The following CPNE4 variants were observed in gnomAD, a reference collection of about 807,000 sequenced individuals.
The protein encoded by CPNE4 is copine-4.
In CPNE4, 25 loss-of-function variants were observed where a neutral mutation model predicts 67.9. The ratio of observed to expected loss-of-function variants is 0.37; its 90% CI spans 0.27 to 0.51. The LOEUF is 0.51. CPNE4 is among the 20% of genes least tolerant of loss of function. The pLI, the probability that CPNE4 is intolerant of heterozygous loss-of-function variation, is 0.93. For missense variants in CPNE4, 464 were observed against 690.8 expected, an observed-to-expected ratio of 0.67 and a Z score of 3.68; for synonymous variants, 242 against 244.9, an observed-to-expected ratio of 0.99 and a Z score of 0.11.
At chr3:131,974,172 G>C (rs2072581572) in intron 1 of CPNE4, among the ~76,000 whole-genome samples, 1 of 152,286 alleles carries the variant, frequency 6.6e-6, no homozygotes. Flanking sequence ...AGAACTTTCT[G>C]TTCTCAGGTC....
chr3:131,812,219 AG>A (rs1293948311), intron 2 of CPNE4, among the ~76,000 whole-genome samples: 129 of 101,240 alleles, frequency 1.3e-3, no homozygotes, highest in African/African-American at 4.3e-3. Context: ...TAAAATTGGA[AG>A]AAAAAAAAAA....
At chr3:132,015,987 C>T (rs530516321) in intron 1 of CPNE4, among the ~76,000 whole-genome samples, 3 of 152,310 alleles carry the variant, frequency 2.0e-5, no homozygotes, top group Non-Finnish European at 2.9e-5. Context: ...TATAACCATA[C>T]ATTTGCTATG....
intron 1 of CPNE4, among the ~76,000 whole-genome samples, chr3:131,919,364 A>G (rs2070678313): frequency 6.6e-6 from 1 of 152,228 alleles, no homozygotes; most frequent in African/African-American, 2.4e-5. Context: ...ATGGAATGCC[A>G]TATAGCAATG....
At chr3:131,735,289 G>T (rs2107767972) in intron 2 of CPNE4, among the ~76,000 whole-genome samples, 1 of 152,328 alleles carries the variant, frequency 6.6e-6, no homozygotes, top group Non-Finnish European at 1.5e-5. Context: ...TCCAGACTGA[G>T]ATGGTGGGCT....
chr3:131,841,769 G>A (rs930494388), intron 2 of CPNE4, among the ~76,000 whole-genome samples: 7 of 152,342 alleles, frequency 4.6e-5, no homozygotes, highest in African/African-American at 4.8e-5. Context: ...TTGCAGCTGG[G>A]AGTGCAGTTA....
chr3:131,606,002 G>C (rs1939480619), intron 7 of CPNE4, among the ~76,000 whole-genome samples: 1 of 152,134 alleles, frequency 6.6e-6, no homozygotes, highest in South Asian at 2.1e-4. Context: ...CAAAATGCCT[G>C]TGTCTCTGTT....
chr3:131,645,739 CAGGTCCCTTA>C (rs2079647973), intron 7 of CPNE4, among the ~76,000 whole-genome samples: 1 of 152,150 alleles, frequency 6.6e-6, no homozygotes, highest in African/African-American at 2.4e-5. Flanking sequence ...TCTAAAATAA[CAGGTCCCTTA>C]AAGGGATCCA....
At chr3:131,827,730 T>A (rs572932001) in intron 2 of CPNE4, among the ~76,000 whole-genome samples, 2 of 152,180 alleles carry the variant, frequency 1.3e-5, no homozygotes, top group East Asian at 3.9e-4. Flanking sequence ...GTATGCTTTT[T>A]AAGTTGAATT....
chr3:131,954,274 A>G (rs1410622772), intron 1 of CPNE4, among the ~76,000 whole-genome samples: 1 of 152,216 alleles, frequency 6.6e-6, no homozygotes, highest in Non-Finnish European at 1.5e-5. Flanking sequence ...AATACATGAA[A>G]TCTTTTTATA....
intron 12 of CPNE4, 144 bp from the exon 13 acceptor site, chr3:131,552,635 T>C (rs1936245592): frequency 1.6e-6 from 1 of 612,288 alleles, no homozygotes; most frequent in African/African-American, 1.9e-5. Flanking sequence ...TTTCAAGCCT[T>C]TACACAATCA....
chr3:131,919,413 A>C (rs1435673629), intron 1 of CPNE4, among the ~76,000 whole-genome samples: 1 of 152,218 alleles, frequency 6.6e-6, no homozygotes, highest in African/African-American at 2.4e-5. Flanking sequence ...CAATATGGAT[A>C]AATCTAGACA....
intron 2 of CPNE4, among the ~76,000 whole-genome samples, chr3:131,810,847 T>G (rs961085481): frequency 6.6e-6 from 1 of 152,066 alleles, no homozygotes; most frequent in Non-Finnish European, 1.5e-5. Context: ...AGAAGATTAT[T>G]CGGCCTTAAA....
chr3:131,702,669 T>G (rs1346619303), intron 3 of CPNE4, among the ~76,000 whole-genome samples: 1 of 152,186 alleles, frequency 6.6e-6, no homozygotes, highest in Admixed American at 6.5e-5. Flanking sequence ...GGGTAGACCA[T>G]TTTACAGACA....
chr3:131,588,680 C>T (rs1414584583), intron 7 of CPNE4, among the ~76,000 whole-genome samples: 1 of 152,118 alleles, frequency 6.6e-6, no homozygotes, highest in Non-Finnish European at 1.5e-5. Flanking sequence ...TTTATTCCTA[C>T]TCATTTATTT....
chr3:131,723,685 A>G lies in CPNE4; in HGVS notation c.181-60T>C, dbSNP rs1009403728. The G allele has an allele frequency of 8.2e-6, 12 of 1,456,900 alleles. No individual in the cohort carries two copies. In the African/African-American group the frequency reaches 1.5e-4, roughly 19 times the overall value. The allele number at this position is 1,456,900 out of a possible 1,614,324, so 90.2% of individuals were successfully genotyped here. On this transcript the variant is annotated intron_variant, in intron 2 of 15. Transcript: ENST00000429747. ...GGATTATTTTTATTATTACCGTTCAAGAAAATTCATCTCAGAGCACTTCCC... is the reference window on the plus strand; with the variant it reads ...GGATTATTTTTATTATTACCGTTCAGGAAAATTCATCTCAGAGCACTTCCC...
At chr3:131,754,274 G>A (rs964261897) in intron 2 of CPNE4, among the ~76,000 whole-genome samples, 7 of 150,768 alleles carry the variant, frequency 4.6e-5, no homozygotes, top group African/African-American at 1.7e-4. Flanking sequence ...TGGGCAAAGA[G>A]AAAAACCAAA....
At chr3:131,923,385 G>A (rs1052959035) in intron 1 of CPNE4, among the ~76,000 whole-genome samples, 1 of 152,142 alleles carries the variant, frequency 6.6e-6, no homozygotes, top group African/African-American at 2.4e-5. Context: ...TATAAGGCCT[G>A]TGAGAGGCAG....
chr3:131,704,059 T>C (rs1333835382), intron 3 of CPNE4, among the ~76,000 whole-genome samples: 1 of 152,218 alleles, frequency 6.6e-6, no homozygotes. Context: ...TACACTTGTT[T>C]GGCCTGAGAT....
At chr3:131,721,737 A>G (rs1467144399) in intron 3 of CPNE4, among the ~76,000 whole-genome samples, 1 of 152,180 alleles carries the variant, frequency 6.6e-6, no homozygotes, top group Admixed American at 6.5e-5. Context: ...AAATTTATGC[A>G]TAGGAGGGAT....
Sources: allele counts gnomAD v4.1 joint callset (sites outside exome capture counted in the v4.1 genomes callset), GRCh38; gene constraint gnomAD v4.1.1; transcripts MANE v1.5; gene names NCBI Gene and HGNC (gene_info 2026-07-23, HGNC 2026-07-21).